Variants in KATNAL1 observed in about 807,000 individuals in gnomAD.
KATNAL1 encodes katanin catalytic subunit A1 like 1.
Under a neutral mutation model 55.2 loss-of-function variants are expected in KATNAL1, and 32 were observed. That is an observed-to-expected ratio of 0.58 (90% CI 0.44 to 0.78). The LOEUF is 0.78. Among genes scored for constraint, KATNAL1 ranks in the 30% least tolerant of loss-of-function variants. The pLI is 0.00. For synonymous variants in KATNAL1, 193 were observed against 193.6 expected (o/e 1.00, Z 0.02); for missense variants, 466 against 600.9 (o/e 0.78, Z 2.35).
At chr13:30,296,711 G>C in intron 1 of KATNAL1, 1 of 587,572 alleles carries the variant, frequency 1.7e-6, no homozygotes, top group Non-Finnish European at 3.3e-6. Flanking sequence ...ATGACGGCGA[G>C]GAATATTTCT....
intron 3 of KATNAL1, among the ~76,000 whole-genome samples, chr13:30,275,908 T>C (rs1015254728): frequency 6.6e-6 from 1 of 152,164 alleles, no homozygotes; most frequent in Non-Finnish European, 1.5e-5. Flanking sequence ...TTAAGCTAAA[T>C]AAAGAATAGC....
intron 6 of KATNAL1, among the ~76,000 whole-genome samples, chr13:30,239,633 C>G (rs175730): frequency 0.32 from 48,102 of 149,988 alleles, 8,176 homozygotes; most frequent in Admixed American, 0.45. Context: ...AAAAGCACAG[C>G]AAGGACAAAA....
chr13:30,291,268 A>C (rs1374498917), intron 1 of KATNAL1, among the ~76,000 whole-genome samples: 1 of 152,238 alleles, frequency 6.6e-6, no homozygotes, highest in Non-Finnish European at 1.5e-5. Flanking sequence ...AGTGTACAAA[A>C]ATCAATCTTA....
chr13:30,277,982 CAAAAAAAAAAAA>C (rs55683675), intron 3 of KATNAL1, among the ~76,000 whole-genome samples: 13 of 61,312 alleles, frequency 2.1e-4, no homozygotes, highest in South Asian at 1.7e-3. Context: ...GACTCCGTCT[CAAAAAAAAAAAA>C]AAAAAAAAAA....
intron 9 of KATNAL1, among the ~76,000 whole-genome samples, chr13:30,218,069 A>G (rs1874466947): frequency 1.3e-5 from 2 of 152,298 alleles, no homozygotes; most frequent in African/African-American, 4.8e-5. Context: ...AGTACCACAG[A>G]TAACAACACA....
chr13:30,239,535 T>G (rs1877037904), intron 6 of KATNAL1, among the ~76,000 whole-genome samples: 1 of 152,206 alleles, frequency 6.6e-6, no homozygotes, highest in African/African-American at 2.4e-5. Context: ...TTTATTCTAC[T>G]GTTGCAGAAA....
intron 3 of KATNAL1, 126 bp downstream of exon 3, chr13:30,279,937 A>G (rs1234533234): frequency 3.5e-5 from 27 of 761,884 alleles, no homozygotes; most frequent in Non-Finnish European, 5.6e-5. Context: ...ATAAATGTGA[A>G]TATTAAAAAC....
At chr13:30,243,704 T>C (rs552122635) in intron 4 of KATNAL1, among the ~76,000 whole-genome samples, 2 of 151,348 alleles carry the variant, frequency 1.3e-5, no homozygotes, top group African/African-American at 4.8e-5. Context: ...ATAGATTCTG[T>C]CCAACAGACG....
chr13:30,213,943 G>A (rs557218640), intron 9 of KATNAL1, among the ~76,000 whole-genome samples: 12 of 152,172 alleles, frequency 7.9e-5, no homozygotes, highest in African/African-American at 2.9e-4. Context: ...GCAGGAGAAG[G>A]AAATAAAGGG....
chr13:30,255,486 A>G lies in KATNAL1; in HGVS notation c.453T>C (p.Ser151=), dbSNP rs1878695411. 2 of 1,593,660 alleles carry G rather than the reference A, an allele frequency of 1.3e-6. No homozygotes were observed. ...CTCTTGCTCTATAGTCCTTGTCCCT[A>G]CTTGTAGAAGGCTTTTCACTCTTTG... The part of the protein sequence containing the change: ...PISKSEKPST[S]RDKDYRARGR... The change falls in exon 4 of 11, where the codon AGT becomes AGC. Residue 151 remains serine, a synonymous_variant. Transcript: ENST00000380615.
At chr13:30,270,814 C>G (rs546064617) in intron 3 of KATNAL1, among the ~76,000 whole-genome samples, 12 of 150,966 alleles carry the variant, frequency 7.9e-5, no homozygotes, top group Admixed American at 7.2e-4. Flanking sequence ...AACCAGAGAC[C>G]TTTGTTCACT....
At position 30,284,357 on chromosome 13, in the gene KATNAL1, T is replaced by C. The variant is rs187415970; in HGVS notation, c.-14-566A>G. 2.1e-3 allele frequency among the ~76,000 whole-genome samples: 315 copies of C among 152,330 alleles called. 1 individual carries two copies. Among genetic ancestry groups the C allele is most frequent in the Non-Finnish European group, 4.1e-3 (276 of 68,020 alleles). On this transcript the variant is annotated intron_variant, in intron 1 of 10. Coordinates refer to ENST00000380615, the MANE Select transcript of KATNAL1 (RefSeq NM_032116.5). ...GGTACATAAAACCGGACACTAGTTT[T>C]CCTTATTCCTTTATAATTACCATAG...
intron 1 of KATNAL1, among the ~76,000 whole-genome samples, chr13:30,305,744 T>G (rs1055195532): frequency 6.6e-6 from 1 of 152,262 alleles, no homozygotes; most frequent in Non-Finnish European, 1.5e-5. Context: ...CAACTTGCAC[T>G]TATCTCTACC....
chr13:30,212,296 T>C (rs773106503), intron 9 of KATNAL1, among the ~76,000 whole-genome samples: 7 of 152,234 alleles, frequency 4.6e-5, no homozygotes, highest in Admixed American at 1.3e-4. Context: ...GTAACATATA[T>C]AAGCAACCAA....
At chr13:30,298,432 A>T in intron 1 of KATNAL1, among the ~76,000 whole-genome samples, 1 of 152,190 alleles carries the variant, frequency 6.6e-6, no homozygotes, top group Non-Finnish European at 1.5e-5. Flanking sequence ...CACTTCACAG[A>T]AACAAATCAC....
At chr13:30,250,611 A>G (rs1878208021) in intron 4 of KATNAL1, among the ~76,000 whole-genome samples, 1 of 152,202 alleles carries the variant, frequency 6.6e-6, no homozygotes, top group South Asian at 2.1e-4. Context: ...ACATCTCTCC[A>G]TATCAGATAT....
At chr13:30,285,453 G>C (rs115935179) in intron 1 of KATNAL1, among the ~76,000 whole-genome samples, 1,727 of 152,240 alleles carry the variant, frequency 0.011, 37 homozygotes, top group African/African-American at 0.04. Flanking sequence ...TATTCCCCCT[G>C]CTGGCATGCA....
intron 4 of KATNAL1, among the ~76,000 whole-genome samples, chr13:30,250,909 C>T (rs968294219): frequency 7.2e-5 from 11 of 152,146 alleles, no homozygotes; most frequent in Non-Finnish European, 1.2e-4. Context: ...GAGGCCGAGG[C>T]GGGCGGATCA....
At chr13:30,230,665 T>C in intron 7 of KATNAL1, 71 bp from the exon 8 acceptor site, 2 of 1,195,940 alleles carry the variant, frequency 1.7e-6, no homozygotes, top group Non-Finnish European at 2.3e-6. Flanking sequence ...AAAAAATCTT[T>C]TAAAACAATG....
Sources: gnomAD v4.1 joint callset for allele counts (sites outside exome capture counted in the v4.1 genomes callset) on GRCh38, gnomAD v4.1.1 for gene constraint, MANE v1.5 for transcripts, NCBI Gene and HGNC (gene_info 2026-07-23, HGNC 2026-07-21) for gene names.